The following PCLO variants were observed in gnomAD, a reference collection of about 807,000 sequenced individuals.
PCLO encodes the protein protein piccolo.
A neutral mutation model predicts 427.5 loss-of-function variants in PCLO; 82 were observed. The observed-to-expected ratio is 0.19, with a 90% CI of 0.16 to 0.23. The LOEUF is 0.23. Ranked by LOEUF, PCLO falls within the 10% of genes least tolerant of loss-of-function variation. The probability of loss-of-function intolerance (pLI) is 1.00; values close to 1 mark genes in which losing one functional copy is unlikely to be tolerated. For synonymous variants in PCLO, 2,357 were observed against 2,155.4 expected (o/e 1.09, Z -2.59); for missense variants, 6,239 against 6,115.9 (o/e 1.02, Z -0.67).
chr7:83,079,318 T>C (rs1156351219), intron 3 of PCLO, among the ~76,000 whole-genome samples: 1 of 152,144 alleles, frequency 6.6e-6, no homozygotes, highest in East Asian at 1.9e-4. Context: ...CAGAAATTAT[T>C]TTTATTCTTA....
intron 3 of PCLO, among the ~76,000 whole-genome samples, chr7:83,014,716 A>G (rs1486784032): frequency 6.6e-6 from 1 of 152,066 alleles, no homozygotes; most frequent in Non-Finnish European, 1.5e-5. Flanking sequence ...AGGCTGCACC[A>G]TTTGAGGAGG....
intron 3 of PCLO, among the ~76,000 whole-genome samples, chr7:83,037,473 A>T (rs916446615): frequency 6.6e-6 from 1 of 151,908 alleles, no homozygotes; most frequent in African/African-American, 2.4e-5. Flanking sequence ...CAAGTTAGAG[A>T]ATCTGTTTGA....
At chr7:82,942,721 T>C (rs966407076) in intron 6 of PCLO, among the ~76,000 whole-genome samples, 1 of 152,108 alleles carries the variant, frequency 6.6e-6, no homozygotes, top group Non-Finnish European at 1.5e-5. Flanking sequence ...AAATACTTTG[T>C]ATTTTAATTT....
At chr7:82,846,964 G>C (rs1792518441) in intron 11 of PCLO, among the ~76,000 whole-genome samples, 175 bp downstream of exon 11, 1 of 152,138 alleles carries the variant, frequency 6.6e-6, no homozygotes, top group Non-Finnish European at 1.5e-5. Context: ...AGAGGCTGTT[G>C]ACACAATCAG....
chr7:83,016,245 A>G, intron 3 of PCLO, among the ~76,000 whole-genome samples: 1 of 152,142 alleles, frequency 6.6e-6, no homozygotes, highest in Non-Finnish European at 1.5e-5. Context: ...TAATGCACAC[A>G]GGTTGAGTAA....
Position 82,761,389 on chromosome 7 carries a change from A to G in PCLO, c.15112T>C (p.Tyr5038His), listed in dbSNP as rs1455061005. 1 of 1,517,608 alleles carries G rather than the reference A, an allele frequency of 6.6e-7. No homozygotes were observed. Among genetic ancestry groups the G allele is most frequent in the Non-Finnish European group, 9.0e-7 (1 of 1,106,424 alleles). The allele number at this position is 1,517,608 out of a possible 1,614,324, so 94.0% of individuals were successfully genotyped here. Residue 5038 changes from tyrosine (Y) to histidine (H), a missense_variant, in exon 23 of 25, where the codon TAC (tyrosine) becomes CAC (histidine). By Grantham distance (83) the Tyr-to-His change is moderately conservative. Around this residue, in one of 5 missense-constraint regions of PCLO, gnomAD observed 877 missense variants for 925.5 expected, o/e 0.95. Coordinates refer to ENST00000333891, the MANE Select transcript of PCLO (RefSeq NM_033026.6). Reference sequence around the variant, plus strand: ...AGATGATCAGGAGACTTAAATTTGTATGTAATATTTCTGCATTGGAGAATT... The same window carrying G: ...AGATGATCAGGAGACTTAAATTTGTGTGTAATATTTCTGCATTGGAGAATT... The part of the protein sequence containing the change: ...VEILQCRNIT[Y>H]KFKSPDHLPD...
intron 3 of PCLO, among the ~76,000 whole-genome samples, chr7:83,117,850 A>G (rs1269274571): frequency 6.6e-6 from 1 of 152,200 alleles, no homozygotes; most frequent in Non-Finnish European, 1.5e-5. Context: ...GTAAAGTCAA[A>G]TCCCAGGACA....
intron 21 of PCLO, among the ~76,000 whole-genome samples, chr7:82,801,801 CTTGT>C (rs1317721236): frequency 2.0e-5 from 3 of 152,074 alleles, no homozygotes; most frequent in Non-Finnish European, 2.9e-5. Flanking sequence ...AAAATGTGAA[CTTGT>C]TTATTATTCC....
At chr7:83,000,491 T>C (rs1708781934) in intron 3 of PCLO, among the ~76,000 whole-genome samples, 1 of 152,056 alleles carries the variant, frequency 6.6e-6, no homozygotes, top group African/African-American at 2.4e-5. Flanking sequence ...ACCAGTTTCA[T>C]GCAAGACAAT....
chr7:82,839,440 G>A (rs975893879), intron 14 of PCLO, among the ~76,000 whole-genome samples: 2 of 151,996 alleles, frequency 1.3e-5, no homozygotes, highest in African/African-American at 4.8e-5. Flanking sequence ...TAAAAGCACA[G>A]TGAAAAAGAA....
intron 10 of PCLO, among the ~76,000 whole-genome samples, chr7:82,851,528 G>A (rs1222734904): frequency 2.0e-5 from 3 of 151,592 alleles, no homozygotes; most frequent in Non-Finnish European, 4.4e-5. Flanking sequence ...AGGGAGAGCA[G>A]AATGGGAAAA....
At position 82,916,477 on chromosome 7, in the gene PCLO, T is replaced by C; in HGVS notation, c.11509A>G (p.Ser3837Gly). ...GTTGGTCTTGTGCTACTCACTTCAC[T>C]GTCAGACATGTAATCACGATCCTCA... ...VAEDRDYMSDSEVSSTRPTRI... is the reference protein window; with the variant it reads ...VAEDRDYMSDGEVSSTRPTRI... Residue 3837 changes from serine to glycine, a missense_variant, in exon 7 of 25, where the codon AGT becomes GGT. Ser to Gly is a moderately conservative substitution (Grantham distance 56, BLOSUM62 0). Transcript: ENST00000333891. 5 of 1,613,726 alleles carry C rather than the reference T, an allele frequency of 3.1e-6. No individual in the cohort carries two copies. Among genetic ancestry groups the C allele is most frequent in the Non-Finnish European group, 3.4e-6 (4 of 1,179,750 alleles).
intron 3 of PCLO, among the ~76,000 whole-genome samples, chr7:83,029,833 T>C (rs1425261722): frequency 2.1e-5 from 3 of 144,444 alleles, no homozygotes; most frequent in African/African-American, 7.7e-5. Context: ...AAATTGGAAA[T>C]CATCATTCTC....
rs746452075 is a variant in PCLO at position 83,135,189 on chromosome 7, A to T, written c.2361T>A (p.Ala787=). 6.2e-7 allele frequency: 1 copy of T among 1,613,898 alleles called. No individual in the cohort carries two copies. The highest frequency in any genetic ancestry group is 8.5e-7 in the Non-Finnish European group (1 of 1,179,894). ...DIPSSKVQSQ[A]EEKTTPPLKT... is the part of the protein sequence containing the mutation. ...TTAGAGGAGGGGTTGTTTTCTCTTCAGCTTGTGACTGTACTTTGGAGCTTG... is the reference window on the plus strand; with the variant it reads ...TTAGAGGAGGGGTTGTTTTCTCTTCTGCTTGTGACTGTACTTTGGAGCTTG... Residue 787 remains alanine (A), a synonymous_variant, in exon 3 of 25, where the codon GCT becomes GCA. Transcript: ENST00000333891.
intron 3 of PCLO, among the ~76,000 whole-genome samples, chr7:82,982,494 G>A (rs1796168479): frequency 6.6e-6 from 1 of 151,980 alleles, no homozygotes; most frequent in African/African-American, 2.4e-5. Flanking sequence ...CATCAGAGAA[G>A]GCTCAATAAG....
intron 3 of PCLO, among the ~76,000 whole-genome samples, chr7:83,127,136 G>T (rs1791457153): frequency 1.3e-5 from 2 of 151,984 alleles, no homozygotes; most frequent in South Asian, 4.1e-4. Context: ...TTCAAGAGGA[G>T]AATGTCTGTA....
intron 6 of PCLO, among the ~76,000 whole-genome samples, chr7:82,922,611 A>G (rs1338352939): frequency 2.0e-5 from 3 of 151,882 alleles, no homozygotes; most frequent in Non-Finnish European, 4.4e-5. Flanking sequence ...AAGAGTGGTG[A>G]TCGAAAAACT....
intron 10 of PCLO, among the ~76,000 whole-genome samples, chr7:82,864,206 T>A (rs563558002): frequency 2.0e-5 from 3 of 152,122 alleles, no homozygotes; most frequent in African/African-American, 7.2e-5. Flanking sequence ...AATAAATATA[T>A]TGAATTACAA....
chr7:82,781,816 G>A (rs1790878681), intron 22 of PCLO, among the ~76,000 whole-genome samples: 1 of 152,150 alleles, frequency 6.6e-6, no homozygotes, highest in South Asian at 2.1e-4. Context: ...ACATCATGAA[G>A]CTTCCATAAA....
Sources: gnomAD v4.1 joint callset for allele counts (sites outside exome capture counted in the v4.1 genomes callset) on GRCh38, gnomAD v4.1.1 for gene constraint, gnomAD v4.1.1 regional missense constraint, MANE v1.5 for transcripts, NCBI Gene and HGNC (gene_info 2026-07-23, HGNC 2026-07-21) for gene names.